Variants in MTCL2 observed in about 807,000 individuals in gnomAD.
MTCL2 encodes the protein microtubule crosslinking factor 2.
the MTCL2 span, chr20:36,816,427 A>AC: frequency 3.5e-6 from 3 of 846,100 alleles, no homozygotes; most frequent in South Asian, 1.7e-5. Context: ...ACACAGCCAG[A>AC]CCCTCAAGGA....
chr20:36,808,068 G>A, the MTCL2 span, among the ~76,000 whole-genome samples: 21 of 149,652 alleles, frequency 1.4e-4, no homozygotes, highest in African/African-American at 4.4e-4. Context: ...GTAGAGACGG[G>A]GTTTCACCAT....
the MTCL2 span, among the ~76,000 whole-genome samples, chr20:36,833,569 C>G: frequency 6.6e-6 from 1 of 152,256 alleles, no homozygotes; most frequent in Non-Finnish European, 1.5e-5. Context: ...CAGCTCCTGG[C>G]CGGGCATGGT....
the MTCL2 span, among the ~76,000 whole-genome samples, chr20:36,797,329 TA>T: frequency 6.6e-6 from 1 of 152,024 alleles, no homozygotes; most frequent in African/African-American, 2.4e-5. Flanking sequence ...GTTTTTTTTT[TA>T]TTTTTTTGAG....
At chr20:36,785,539 A>C in the MTCL2 span, 5 of 985,374 alleles carry the variant, frequency 5.1e-6, no homozygotes, top group Non-Finnish European at 6.0e-6. Context: ...TCTTACTGGG[A>C]ATATCTTTGC....
At chr20:36,838,057 T>G in the MTCL2 span, among the ~76,000 whole-genome samples, 3 of 150,658 alleles carry the variant, frequency 2.0e-5, no homozygotes, top group Non-Finnish European at 4.4e-5. Context: ...TCTTTGTTTT[T>G]TTTTTTTTGA....
chr20:36,856,950 C>T, the MTCL2 span, among the ~76,000 whole-genome samples: 3 of 152,200 alleles, frequency 2.0e-5, no homozygotes, highest in Non-Finnish European at 4.4e-5. Flanking sequence ...TGTTTGCATG[C>T]CAGACTGTGC....
chr20:36,799,383 T>C, the MTCL2 span, among the ~76,000 whole-genome samples: 1 of 151,838 alleles, frequency 6.6e-6, no homozygotes, highest in South Asian at 2.1e-4. Context: ...TCCCAGCTGC[T>C]CAGGAGGCTG....
At chr20:36,794,686 C>A in the MTCL2 span, 1 of 1,555,550 alleles carries the variant, frequency 6.4e-7, no homozygotes, top group Non-Finnish European at 8.8e-7. This position sits in a 1 kb window ranked among gnomAD's most constrained non-coding sequence, Gnocchi z 5.4. Context: ...CCGTGTGCTG[C>A]GTGAGGGCAA....
chr20:36,815,053 C>T, the MTCL2 span: 1 of 1,423,192 alleles, frequency 7.0e-7, no homozygotes. This position sits in a 1 kb window ranked among gnomAD's most constrained non-coding sequence, Gnocchi z 5.3. Context: ...CGGGGAGAGA[C>T]CCTATCTCAA....
At chr20:36,855,880 G>T in the MTCL2 span, among the ~76,000 whole-genome samples, 4 of 152,138 alleles carry the variant, frequency 2.6e-5, no homozygotes, top group African/African-American at 9.7e-5. Context: ...CTTGACTCCA[G>T]AGGTGGAGTT....
the MTCL2 span, chr20:36,862,987 T>C: frequency 7.1e-7 from 1 of 1,408,128 alleles, no homozygotes; most frequent in Non-Finnish European, 9.3e-7. Context: ...ACCTCCGAGC[T>C]GCTATCCGTG....
the MTCL2 span, among the ~76,000 whole-genome samples, chr20:36,798,072 A>AT: frequency 3.4e-3 from 485 of 142,638 alleles, 1 homozygote; most frequent in Admixed American, 5.2e-3. Context: ...ACATTAGTTA[A>AT]TTTTTTTTTT....
chr20:36,797,844 A>G, the MTCL2 span, among the ~76,000 whole-genome samples: 9 of 152,238 alleles, frequency 5.9e-5, no homozygotes, highest in Non-Finnish European at 1.0e-4. Flanking sequence ...AATTCATGTT[A>G]CAATTCACAG....
the MTCL2 span, among the ~76,000 whole-genome samples, chr20:36,802,169 C>G: frequency 6.6e-6 from 1 of 152,020 alleles, no homozygotes; most frequent in Non-Finnish European, 1.5e-5. Context: ...GCCTGTAATC[C>G]CAGCTACTGA....
At chr20:36,843,663 AATC>A in the MTCL2 span, among the ~76,000 whole-genome samples, 1 of 152,238 alleles carries the variant, frequency 6.6e-6, no homozygotes, top group Non-Finnish European at 1.5e-5. Context: ...TCTGTGTTCA[AATC>A]CTAGCCATGC....
the MTCL2 span, among the ~76,000 whole-genome samples, chr20:36,787,515 G>T: frequency 6.6e-6 from 1 of 152,074 alleles, no homozygotes; most frequent in Non-Finnish European, 1.5e-5. Context: ...GAGCCACTGT[G>T]CCTGGCCCCA....
the MTCL2 span, among the ~76,000 whole-genome samples, chr20:36,788,752 T>C: frequency 6.6e-6 from 1 of 152,146 alleles, no homozygotes; most frequent in East Asian, 1.9e-4. Context: ...TTACTTAACC[T>C]CTCTTGAGCT....
chr20:36,851,270 G>GTA, the MTCL2 span, among the ~76,000 whole-genome samples: 2 of 151,866 alleles, frequency 1.3e-5, no homozygotes, highest in African/African-American at 4.8e-5. Context: ...ACAGTATATT[G>GTA]TATATATATA....
the MTCL2 span, among the ~76,000 whole-genome samples, chr20:36,852,057 A>G: frequency 6.6e-6 from 1 of 151,318 alleles, no homozygotes; most frequent in African/African-American, 2.4e-5. Context: ...CAAATGTACC[A>G]CCTCCTCCCC....
Sources: gnomAD v4.1 joint callset for allele counts (sites outside exome capture counted in the v4.1 genomes callset) on GRCh38, gnomAD v4.1.1 for gene constraint, Gnocchi (gnomAD v3.1) non-coding constraint, MANE v1.5 for transcripts, NCBI Gene and HGNC (gene_info 2026-07-23, HGNC 2026-07-21) for gene names.